THSD7B: variants seen among roughly 807,000 people sequenced by gnomAD.
The protein encoded by THSD7B is thrombospondin type 1 domain containing 7B.
THSD7B carries 138 observed loss-of-function variants against 213.6 expected under a neutral mutation model. That is an observed-to-expected ratio of 0.65 (90% CI 0.56 to 0.74). The LOEUF is 0.74. Among genes scored for constraint, THSD7B ranks in the 30% least tolerant of loss-of-function variants. The probability of loss-of-function intolerance (pLI) is 0.00; values close to 1 mark genes in which losing one functional copy is unlikely to be tolerated. For synonymous variants in THSD7B, 742 were observed against 687.0 expected (o/e 1.08, Z -1.25); for missense variants, 1,931 against 1,991.5 (o/e 0.97, Z 0.58).
intron 12 of THSD7B, among the ~76,000 whole-genome samples, chr2:137,353,563 T>C (rs1454374551): frequency 6.6e-6 from 1 of 152,074 alleles, no homozygotes; most frequent in African/African-American, 2.4e-5. Context: ...GAGAAAAGAA[T>C]GAGAGATCAT....
At chr2:137,651,696 T>C (rs1683144111) in intron 21 of THSD7B, among the ~76,000 whole-genome samples, 13 of 152,108 alleles carry the variant, frequency 8.5e-5, no homozygotes, top group Admixed American at 8.5e-4. Flanking sequence ...CATTTATTGC[T>C]GTAAACTTCC....
intron 15 of THSD7B, among the ~76,000 whole-genome samples, chr2:137,559,211 C>A (rs186157166): frequency 0.075 from 11,374 of 152,116 alleles, 466 homozygotes; most frequent in African/African-American, 0.091. Context: ...TTGGAAAAAA[C>A]TACTTTAAAG....
At chr2:136,948,425 C>T (rs1684978897) in intron 2 of THSD7B, among the ~76,000 whole-genome samples, 1 of 149,388 alleles carries the variant, frequency 6.7e-6, no homozygotes, top group Admixed American at 6.6e-5. Context: ...TCCCCCATAC[C>T]TTTCTTTTTT....
chr2:137,413,014 T>C (rs1408542034), intron 14 of THSD7B, among the ~76,000 whole-genome samples: 1 of 151,874 alleles, frequency 6.6e-6, no homozygotes, highest in Non-Finnish European at 1.5e-5. Context: ...TACCAGAAAA[T>C]CAAATTCAAT....
chr2:137,607,055 G>A (rs1391594907), intron 17 of THSD7B, among the ~76,000 whole-genome samples: 5 of 152,114 alleles, frequency 3.3e-5, no homozygotes, highest in African/African-American at 1.2e-4. Flanking sequence ...CTAGATACAT[G>A]TTTTAATATA....
At chr2:137,128,872 G>A (rs1197312081) in intron 5 of THSD7B, among the ~76,000 whole-genome samples, 1 of 152,206 alleles carries the variant, frequency 6.6e-6, no homozygotes, top group Non-Finnish European at 1.5e-5. Context: ...GAATCACAGA[G>A]TTCCTATAAG....
intron 2 of THSD7B, among the ~76,000 whole-genome samples, chr2:137,014,256 G>A (rs972172989): frequency 4.6e-5 from 7 of 152,284 alleles, no homozygotes; most frequent in African/African-American, 1.7e-4. Context: ...TCAGGCCCCT[G>A]GCTCAGCATT....
chr2:137,464,659 C>T (rs1687956619), intron 15 of THSD7B, among the ~76,000 whole-genome samples: 1 of 151,994 alleles, frequency 6.6e-6, no homozygotes, highest in South Asian at 2.1e-4. Flanking sequence ...ATACAGATTC[C>T]AGTAGTTGGA....
chr2:137,207,798 A>G (rs1681017257), intron 7 of THSD7B, among the ~76,000 whole-genome samples: 1 of 152,068 alleles, frequency 6.6e-6, no homozygotes, highest in African/African-American at 2.4e-5. Flanking sequence ...TACCTCTTCC[A>G]TGAAGTATAT....
chr2:137,243,036 G>A (rs1452046767), intron 10 of THSD7B, among the ~76,000 whole-genome samples: 1 of 152,164 alleles, frequency 6.6e-6, no homozygotes, highest in Non-Finnish European at 1.5e-5. Flanking sequence ...TGTTGAACAA[G>A]TACAGAAATT....
intron 1 of THSD7B, among the ~76,000 whole-genome samples, chr2:136,826,469 A>C (rs1447234333): frequency 6.6e-6 from 1 of 152,162 alleles, no homozygotes; most frequent in Non-Finnish European, 1.5e-5. Flanking sequence ...TTGATTACTA[A>C]GTAACTGCAA....
chr2:136,829,094 A>G (rs1382037566), intron 1 of THSD7B, among the ~76,000 whole-genome samples: 6 of 151,262 alleles, frequency 4.0e-5, no homozygotes, highest in Admixed American at 1.3e-4. Flanking sequence ...TTCTTACTGT[A>G]TTTTTGAGTT....
chr2:137,135,501 G>A (rs1679424627), intron 5 of THSD7B, among the ~76,000 whole-genome samples: 1 of 152,102 alleles, frequency 6.6e-6, no homozygotes, highest in South Asian at 2.1e-4. Context: ...TTGATTATCA[G>A]AATTCTTTTT....
At chr2:136,918,975 T>C (rs1452540416) in intron 2 of THSD7B, among the ~76,000 whole-genome samples, 5 of 152,172 alleles carry the variant, frequency 3.3e-5, no homozygotes, top group Non-Finnish European at 7.4e-5. Flanking sequence ...TGTATGCTCT[T>C]CATGAAGGTG....
intron 10 of THSD7B, among the ~76,000 whole-genome samples, chr2:137,245,644 G>A (rs1264282197): frequency 2.0e-5 from 3 of 152,106 alleles, no homozygotes; most frequent in Non-Finnish European, 4.4e-5. Context: ...TTAAGTCCAT[G>A]AATATAAGGA....
chr2:137,236,517 C>A (rs935099638), intron 9 of THSD7B, among the ~76,000 whole-genome samples: 1 of 152,100 alleles, frequency 6.6e-6, no homozygotes, highest in South Asian at 2.1e-4. Context: ...TTTCTTTCCC[C>A]GGTGGCAGTG....
intron 14 of THSD7B, among the ~76,000 whole-genome samples, chr2:137,445,377 G>T (rs1687516138): frequency 6.6e-6 from 1 of 151,924 alleles, no homozygotes; most frequent in Non-Finnish European, 1.5e-5. Flanking sequence ...ACAGATGGCT[G>T]GATAAAGAAA....
intron 15 of THSD7B, among the ~76,000 whole-genome samples, chr2:137,454,011 T>C (rs1573634976): frequency 6.6e-6 from 1 of 152,218 alleles, no homozygotes; most frequent in Non-Finnish European, 1.5e-5. Context: ...CACTCATCTA[T>C]TGATGTACAC....
intron 2 of THSD7B, among the ~76,000 whole-genome samples, chr2:136,955,866 A>G (rs577310632): frequency 5.3e-5 from 8 of 151,940 alleles, no homozygotes; most frequent in African/African-American, 1.9e-4. Flanking sequence ...TCTTAGCTGG[A>G]TGGTCTCGAT....
Sources: gnomAD v4.1 joint callset for allele counts (sites outside exome capture counted in the v4.1 genomes callset) on GRCh38, gnomAD v4.1.1 for gene constraint, MANE v1.5 for transcripts, NCBI Gene and HGNC (gene_info 2026-07-23, HGNC 2026-07-21) for gene names.